CCDC146: variants seen among roughly 807,000 people sequenced by gnomAD.
The protein encoded by CCDC146 is coiled-coil domain containing 146.
CCDC146 carries 92 observed loss-of-function variants against 119.3 expected under a neutral mutation model. The ratio of observed to expected loss-of-function variants is 0.77; its 90% CI spans 0.65 to 0.92. The LOEUF (loss-of-function observed/expected upper bound fraction) is 0.92, where lower values mean the gene tolerates loss of function less well. Ranked by LOEUF, CCDC146 falls within the 40% of genes least tolerant of loss-of-function variation. CCDC146 has a pLI of 0.00. For synonymous variants in CCDC146, 372 were observed against 371.8 expected (o/e 1.00, Z -0.01); for missense variants, 1,000 against 1,103.0 (o/e 0.91, Z 1.32).
intron 2 of CCDC146, chr7:77,199,265 C>T (rs769745366): frequency 2.5e-6 from 4 of 1,614,076 alleles, no homozygotes; most frequent in East Asian, 2.2e-5. Flanking sequence ...AGATTTGCCA[C>T]TTTGCTGTCA....
At chr7:77,136,940 G>T (rs1300217340) in intron 1 of CCDC146, among the ~76,000 whole-genome samples, 1 of 152,072 alleles carries the variant, frequency 6.6e-6, no homozygotes, top group Admixed American at 6.5e-5. Flanking sequence ...TGCAAGGCTG[G>T]TTCAACACTC....
chr7:77,204,991 C>T (rs905623981), intron 2 of CCDC146, among the ~76,000 whole-genome samples: 6 of 152,034 alleles, frequency 3.9e-5, no homozygotes, highest in Non-Finnish European at 7.4e-5. Flanking sequence ...TGCTGGCATG[C>T]GCCTACAGTC....
chr7:77,162,825 T>C (rs1233061271), intron 1 of CCDC146, among the ~76,000 whole-genome samples: 1 of 152,068 alleles, frequency 6.6e-6, no homozygotes, highest in Admixed American at 6.6e-5. Flanking sequence ...AGTTTTATAG[T>C]TTCCAGTGTA....
chr7:77,294,466 GT>G (rs1562865812), intron 18 of CCDC146, among the ~76,000 whole-genome samples, 196 bp from the exon 19 acceptor site: 677 of 57,594 alleles, frequency 0.012, 3 homozygotes, highest in Admixed American at 0.02. Context: ...AGAGGTAGGT[GT>G]GTGTGTGTGT....
chr7:77,254,508 T>C lies in CCDC146; in HGVS notation c.452T>C (p.Leu151Ser). 6.6e-7 allele frequency: 1 copy of C among 1,521,872 alleles called. No individual in the cohort carries two copies. Among genetic ancestry groups the C allele is most frequent in the Non-Finnish European group, 9.0e-7 (1 of 1,106,744 alleles). The allele number at this position is 1,521,872 out of a possible 1,614,324, so 94.3% of individuals were successfully genotyped here. Residue 151 changes from leucine (L) to serine (S), a missense_variant and splice_region_variant, in exon 5 of 19, where the codon TTA becomes TCA. By Grantham distance (145) the Leu-to-Ser change is moderately radical. This residue lies in a region of CCDC146 where 985 missense variants were observed against 1,045.3 expected (regional missense o/e 0.94). Transcript: ENST00000285871. The part of the protein sequence containing the change: ...EFHNQYRLNS[L>S]KEEKIIIVKE... ...AACTTGATTTTTTTTTTTTGCAGCT[T>C]AAAGGAAGAAAAAATCATCATAGTA...
At chr7:77,172,695 C>G (rs1285101924) in intron 2 of CCDC146, among the ~76,000 whole-genome samples, 1 of 152,124 alleles carries the variant, frequency 6.6e-6, no homozygotes, top group Non-Finnish European at 1.5e-5. Flanking sequence ...GGGACTCTCC[C>G]ATATTTAGAA....
chr7:77,167,992 A>G (rs1189448089), intron 2 of CCDC146, among the ~76,000 whole-genome samples, 168 bp downstream of exon 2: 2 of 152,222 alleles, frequency 1.3e-5, no homozygotes. Context: ...TCTTCCAAAA[A>G]TTTATCATGT....
chr7:77,183,386 A>T (rs953822772), intron 2 of CCDC146, among the ~76,000 whole-genome samples: 1 of 152,122 alleles, frequency 6.6e-6, no homozygotes, highest in Non-Finnish European at 1.5e-5. Context: ...GAGATTGTAG[A>T]TACTTAACTT....
rs1259743232 is a variant in CCDC146 at position 77,293,321 on chromosome 7, A to C, written c.2664+121A>C. 7.0e-6 allele frequency: 7 copies of C among 999,274 alleles called. No individual in the cohort carries two copies. In the East Asian group the frequency reaches 1.4e-4, roughly 20 times the overall value. The allele number at this position is 999,274 out of a possible 1,614,324, so 61.9% of individuals were successfully genotyped here. ...CCACTCTACCACACACAGTCCCAACAGTCGTTAGAAGTGTATTTAAGATAT... is the reference window on the plus strand; with the variant it reads ...CCACTCTACCACACACAGTCCCAACCGTCGTTAGAAGTGTATTTAAGATAT... On this transcript the variant is annotated intron_variant, in intron 18 of 18. Coordinates refer to ENST00000285871, the MANE Select transcript of CCDC146 (RefSeq NM_020879.3).
At chr7:77,283,664 T>A (rs1014659530) in intron 15 of CCDC146, among the ~76,000 whole-genome samples, 4 of 152,160 alleles carry the variant, frequency 2.6e-5, no homozygotes, top group Non-Finnish European at 5.9e-5. Context: ...CTGGGAGACA[T>A]CTTGTCATTT....
chr7:77,229,054 T>C (rs1329445846), intron 2 of CCDC146, among the ~76,000 whole-genome samples: 3 of 152,256 alleles, frequency 2.0e-5, no homozygotes, highest in African/African-American at 7.2e-5. Context: ...TGGTTTTGAT[T>C]TGCATTTCTC....
intron 1 of CCDC146, among the ~76,000 whole-genome samples, chr7:77,163,860 C>CTTTTTT (rs530810388): frequency 9.1e-6 from 1 of 110,040 alleles, no homozygotes; most frequent in African/African-American, 3.6e-5. Context: ...TCTTTTTTTT[C>CTTTTTT]TTTTTTTTTT....
At position 77,259,938 on chromosome 7, in the gene CCDC146, AAGTGTGTGTGTG is replaced by A. The variant is rs1371457711; in HGVS notation, c.759-70_759-59del. 1.4e-5 allele frequency: 12 copies of A among 871,192 alleles called. No homozygotes were observed. The African/African-American group carries it at 1.9e-4, about 14-fold the overall frequency. The allele number at this position is 871,192 out of a possible 1,614,324, so 54.0% of individuals were successfully genotyped here. A position where few individuals can be genotyped will look rare whatever the true frequency, so the allele number is the denominator to read the frequency against. On this transcript the variant is annotated intron_variant, in intron 7 of 18. Coordinates refer to ENST00000285871, the MANE Select transcript of CCDC146 (RefSeq NM_020879.3). ...AGCCAGCATGGCCTCAAAATAAGGC[AAGTGTGTGTGTG>A]TGTGTGTGTGTGTGTGTGTGTGTGT...
At chr7:77,245,021 C>A (rs1384268699) in intron 4 of CCDC146, among the ~76,000 whole-genome samples, 1 of 152,170 alleles carries the variant, frequency 6.6e-6, no homozygotes, top group East Asian at 1.9e-4. Context: ...CTAAGAACAA[C>A]TTATTTTTCA....
chr7:77,225,968 A>T lies in CCDC146; in HGVS notation c.157-10979A>T, dbSNP rs377042223. On this transcript the variant is annotated intron_variant, in intron 2 of 18. Transcript: ENST00000285871. ...CAAAAAAAAAAAGGAAGGAGTAGAG[A>T]TTAAAAGGAGAGAAGCTATTACTGA... Among the ~76,000 whole-genome samples the T allele has an allele frequency of 5.3e-4, 80 of 152,054 alleles. No homozygotes were observed. In the South Asian group the frequency reaches 0.016, roughly 30 times the overall value.
At chr7:77,160,598 G>C (rs1381766693) in intron 1 of CCDC146, among the ~76,000 whole-genome samples, 1 of 152,164 alleles carries the variant, frequency 6.6e-6, no homozygotes, top group South Asian at 2.1e-4. Context: ...AGGAATGCTT[G>C]TGATTTTTGC....
chr7:77,151,630 T>C (rs1358617104), intron 1 of CCDC146, among the ~76,000 whole-genome samples: 1 of 151,340 alleles, frequency 6.6e-6, no homozygotes, highest in Non-Finnish European at 1.5e-5. Flanking sequence ...TGATTTAAAT[T>C]AAAAAAAAAC....
chr7:77,131,172 A>C (rs1790780872), intron 1 of CCDC146, among the ~76,000 whole-genome samples: 1 of 151,978 alleles, frequency 6.6e-6, no homozygotes, highest in African/African-American at 2.4e-5. Flanking sequence ...TGAACAGCAT[A>C]ATAGTCAAAT....
chr7:77,140,339 C>T (rs3095449), intron 1 of CCDC146, among the ~76,000 whole-genome samples: 29,138 of 151,862 alleles, frequency 0.19, 3,133 homozygotes, highest in Non-Finnish European at 0.21. Flanking sequence ...GTAGCTATAA[C>T]GAAAGTACTA....
Sources: allele counts gnomAD v4.1 joint callset (sites outside exome capture counted in the v4.1 genomes callset), GRCh38; gene constraint gnomAD v4.1.1; regional missense constraint gnomAD v4.1.1; transcripts MANE v1.5; gene names NCBI Gene and HGNC (gene_info 2026-07-23, HGNC 2026-07-21).